DOCK2: variants seen among roughly 807,000 people sequenced by gnomAD.
DOCK2 encodes dedicator of cytokinesis 2, also known as dedicator of cytokinesis protein 2.
DOCK2 carries 87 observed loss-of-function variants against 248.9 expected under a neutral mutation model. The ratio of observed to expected loss-of-function variants is 0.35; its 90% CI spans 0.29 to 0.42. DOCK2 has a LOEUF of 0.42. DOCK2 is among the 10% of genes least tolerant of loss of function. The pLI, the probability that DOCK2 is intolerant of heterozygous loss-of-function variation, is 1.00. For missense variants in DOCK2, 1,747 were observed against 2,300.2 expected (o/e 0.76, Z 4.92); for synonymous variants, 805 against 821.6 (o/e 0.98, Z 0.35).
At chr5:169,837,466 T>G (rs1196173772) in intron 26 of DOCK2, among the ~76,000 whole-genome samples, 1 of 152,218 alleles carries the variant, frequency 6.6e-6, no homozygotes, top group Non-Finnish European at 1.5e-5. Flanking sequence ...GTTTAGATTA[T>G]GCATTGCCTT....
intron 38 of DOCK2, among the ~76,000 whole-genome samples, 187 bp downstream of exon 38, chr5:170,042,319 C>T (rs565953177): frequency 6.6e-6 from 1 of 152,336 alleles, no homozygotes; most frequent in Non-Finnish European, 1.5e-5. Context: ...CGACATTGCT[C>T]ACCTGGACAC....
chr5:169,927,984 G>A (rs1275762358), intron 27 of DOCK2, among the ~76,000 whole-genome samples: 1 of 152,190 alleles, frequency 6.6e-6, no homozygotes, highest in Non-Finnish European at 1.5e-5. Flanking sequence ...TTGGGTTTCA[G>A]TAGGTGTGGG....
Position 169,833,837 on chromosome 5 carries a change from A to C in DOCK2, c.2704-6920A>C, listed in dbSNP as rs112361907. Reference sequence around the variant, plus strand: ...GGATCAGACAATTCTTATTTGTGAAATCCTAGCAGTCCAAGAAGAAAGACT... The same window carrying C: ...GGATCAGACAATTCTTATTTGTGAACTCCTAGCAGTCCAAGAAGAAAGACT... On this transcript the variant is annotated intron_variant, in intron 26 of 51. Coordinates refer to ENST00000520908, the MANE Select transcript of DOCK2 (RefSeq NM_004946.3). Among the ~76,000 whole-genome samples the C allele has an allele frequency of 6.0e-3, 907 of 152,316 alleles. 10 individuals carry two copies. Among genetic ancestry groups the C allele is most frequent in the African/African-American group, 0.02 (846 of 41,564 alleles).
chr5:169,670,796 AG>A (rs1379605027), intron 4 of DOCK2, among the ~76,000 whole-genome samples, 199 bp downstream of exon 4: 1 of 152,156 alleles, frequency 6.6e-6, no homozygotes, highest in Admixed American at 6.6e-5. Flanking sequence ...TCTGACTCTG[AG>A]GGGGTATTAG....
intron 40 of DOCK2, among the ~76,000 whole-genome samples, chr5:170,048,725 G>A (rs772595407): frequency 2.6e-5 from 4 of 152,140 alleles, no homozygotes; most frequent in African/African-American, 4.8e-5. Flanking sequence ...TTCCTGAGAG[G>A]GTCTTGGGAA....
chr5:169,892,576 G>C (rs541220091), intron 27 of DOCK2, among the ~76,000 whole-genome samples: 1 of 152,172 alleles, frequency 6.6e-6, no homozygotes, highest in African/African-American at 2.4e-5. Context: ...AGGCCTCTCC[G>C]ATGGATGGGC....
At chr5:169,816,399 G>T (rs1421999474) in intron 26 of DOCK2, among the ~76,000 whole-genome samples, 2 of 152,206 alleles carry the variant, frequency 1.3e-5, no homozygotes, top group East Asian at 3.8e-4. Flanking sequence ...TGGTTTAACA[G>T]TCTGGGTTGG....
At chr5:169,975,330 A>C (rs1465485377) in intron 27 of DOCK2, among the ~76,000 whole-genome samples, 1 of 152,236 alleles carries the variant, frequency 6.6e-6, no homozygotes, top group Non-Finnish European at 1.5e-5. Context: ...GCTTTCCAGC[A>C]CACAGCAGCT....
At chr5:169,817,151 A>G (rs1162828410) in intron 26 of DOCK2, among the ~76,000 whole-genome samples, 3 of 152,186 alleles carry the variant, frequency 2.0e-5, no homozygotes, top group African/African-American at 7.2e-5. Context: ...CGATTAAGAA[A>G]TCACCCCAGG....
intron 27 of DOCK2, among the ~76,000 whole-genome samples, chr5:169,895,901 C>A (rs1773569972): frequency 6.6e-6 from 1 of 152,184 alleles, no homozygotes; most frequent in South Asian, 2.1e-4. Flanking sequence ...TGGCTTCCAA[C>A]CTTCCTTCCT....
intron 21 of DOCK2, 23 bp downstream of exon 21, chr5:169,717,507 ACTT>A: frequency 4.4e-6 from 7 of 1,608,024 alleles, no homozygotes; most frequent in Non-Finnish European, 5.1e-6. Flanking sequence ...GCACATGGGA[ACTT>A]CTTCTCTACC....
At chr5:169,761,902 G>A (rs1242749161) in intron 25 of DOCK2, among the ~76,000 whole-genome samples, 1 of 152,016 alleles carries the variant, frequency 6.6e-6, no homozygotes, top group East Asian at 1.9e-4. Context: ...TATTATTGCT[G>A]TCTTTAACTC....
chr5:170,043,759 C>A (rs1756598603), intron 38 of DOCK2, among the ~76,000 whole-genome samples: 2 of 152,192 alleles, frequency 1.3e-5, no homozygotes, highest in African/African-American at 4.8e-5. Flanking sequence ...TGTTTATCAG[C>A]TGATTAAGTA....
chr5:169,997,831 C>T (rs572481789), intron 30 of DOCK2: 22 of 429,716 alleles, frequency 5.1e-5, no homozygotes, highest in Non-Finnish European at 1.0e-4. Flanking sequence ...TGCTTTTCCC[C>T]ACACTTGCTC....
In DOCK2 at chr5:169,714,067, A is replaced by T; in HGVS notation, c.1699A>T (p.Thr567Ser). The T allele has an allele frequency of 6.2e-7, 1 of 1,612,822 alleles. No homozygotes were observed. The highest frequency in any genetic ancestry group is 8.5e-7 in the Non-Finnish European group (1 of 1,179,306). Reference sequence around the variant, plus strand: ...GATGGAGGATGCCAGCGCATACCTGACCCTTCCTTCTTATCGACACCATGT... The same window carrying T: ...GATGGAGGATGCCAGCGCATACCTGTCCCTTCCTTCTTATCGACACCATGT... ...KKMEDASAYL[T>S]LPSYRHHVEN... The change falls in exon 18 of 52, where the codon ACC becomes TCC. Residue 567 changes from threonine to serine, a missense_variant. Transcript: ENST00000520908.
At chr5:169,824,554 A>G (rs1393439846) in intron 26 of DOCK2, among the ~76,000 whole-genome samples, 1 of 152,374 alleles carries the variant, frequency 6.6e-6, no homozygotes, top group East Asian at 1.9e-4. Flanking sequence ...TGGTGCTGGG[A>G]AAACTGGCTA....
intron 28 of DOCK2, 39 bp from the exon 29 acceptor site, chr5:169,985,789 A>C: frequency 1.3e-6 from 2 of 1,538,950 alleles, no homozygotes; most frequent in Non-Finnish European, 1.8e-6. Context: ...GAGTTCCTGT[A>C]AAACAGGATG....
chr5:169,929,887 C>A (rs1775663491), intron 27 of DOCK2, among the ~76,000 whole-genome samples: 1 of 152,076 alleles, frequency 6.6e-6, no homozygotes, highest in Non-Finnish European at 1.5e-5. Context: ...AATATGGTAG[C>A]CACTAGCCAC....
Position 169,807,070 on chromosome 5 carries a change from G to A in DOCK2, c.2703+3864G>A, listed in dbSNP as rs549167300. On this transcript the variant is annotated intron_variant, in intron 26 of 51. Transcript: ENST00000520908. ...CCTGGGCAGGGCGTCACTGGCTGGGGGTCCCCGGCTTGCAAAGCGACTGAG... is the reference window on the plus strand; with the variant it reads ...CCTGGGCAGGGCGTCACTGGCTGGGAGTCCCCGGCTTGCAAAGCGACTGAG... 3.9e-5 allele frequency among the ~76,000 whole-genome samples: 6 copies of A among 152,196 alleles called. No individual in the cohort carries two copies. The South Asian group carries it at 6.2e-4, about 16-fold the overall frequency.
Sources: allele counts gnomAD v4.1 joint callset (sites outside exome capture counted in the v4.1 genomes callset), GRCh38; gene constraint gnomAD v4.1.1; transcripts MANE v1.5; gene names NCBI Gene and HGNC (gene_info 2026-07-23, HGNC 2026-07-21).